PIBF1: variants seen among roughly 807,000 people sequenced by gnomAD.
The protein encoded by PIBF1 is progesterone-induced-blocking factor 1.
PIBF1 carries 90 observed loss-of-function variants against 112.5 expected under a neutral mutation model. That is an observed-to-expected ratio of 0.80 (90% CI 0.67 to 0.95). The LOEUF (loss-of-function observed/expected upper bound fraction) is 0.95. Among genes scored for constraint, PIBF1 ranks in the 40% least tolerant of loss-of-function variants. The pLI, the probability that PIBF1 is intolerant of heterozygous loss-of-function variation, is 0.00. For synonymous variants in PIBF1, 301 were observed against 288.6 expected, an observed-to-expected ratio of 1.04 and a Z score of -0.44; for missense variants, 915 against 852.3, an observed-to-expected ratio of 1.07 and a Z score of -0.92.
chr13:72,868,324 A>G (rs1266368455), intron 10 of PIBF1, among the ~76,000 whole-genome samples: 5 of 151,852 alleles, frequency 3.3e-5, no homozygotes, highest in Admixed American at 1.3e-4. Flanking sequence ...AAAAAAAAAA[A>G]AAAGACTATT....
At chr13:72,848,338 TATC>T (rs1241901884) in intron 9 of PIBF1, among the ~76,000 whole-genome samples, 3 of 152,166 alleles carry the variant, frequency 2.0e-5, no homozygotes, top group Non-Finnish European at 2.9e-5. Context: ...CTGTGAAATT[TATC>T]ATCTAGTAGT....
intron 14 of PIBF1, among the ~76,000 whole-genome samples, chr13:72,959,176 A>C (rs766022063): frequency 1.1e-4 from 16 of 146,938 alleles, no homozygotes; most frequent in Non-Finnish European, 2.1e-4. Context: ...TTGTATTTTT[A>C]GTAGAGACGG....
chr13:73,009,456 C>A (rs951327425), intron 17 of PIBF1, among the ~76,000 whole-genome samples: 7 of 152,236 alleles, frequency 4.6e-5, no homozygotes, highest in Admixed American at 3.9e-4. Flanking sequence ...TTTTATATCC[C>A]CAGAACCTAA....
intron 15 of PIBF1, among the ~76,000 whole-genome samples, chr13:72,972,287 C>G (rs535014932): frequency 6.6e-6 from 1 of 152,214 alleles, no homozygotes; most frequent in African/African-American, 2.4e-5. Context: ...CAACCTCGAT[C>G]TCCCAAAGTG....
rs181525147 is a variant in PIBF1 at position 72,855,657 on chromosome 13, T to C, written c.1322+1502T>C. The stretch of plus-strand genomic sequence containing the variant: ...GAGTGAGACTCTGTCTCAAAAAAAA[T>C]TTTTTTAGTTTATCTAAAAAAAATA... On this transcript the variant is annotated intron_variant, in intron 10 of 17. Coordinates refer to ENST00000326291, the MANE Select transcript of PIBF1 (RefSeq NM_006346.4). Among the ~76,000 whole-genome samples the C allele has an allele frequency of 3.7e-3, 555 of 151,986 alleles. 4 individuals carry two copies. Among genetic ancestry groups the C allele is most frequent in the African/African-American group, 0.013 (528 of 41,464 alleles).
rs1350333543 is a variant in PIBF1, at chr13:72,968,125, A to G, written c.1964+2721A>G. ...CGTGAACCTGGGAGGCAGAGCTTGC[A>G]GTGAGCCGAGATTGCGCCACTGCAC... On this transcript the variant is annotated intron_variant, in intron 15 of 17. Coordinates refer to ENST00000326291, the MANE Select transcript of PIBF1 (RefSeq NM_006346.4). 3.3e-5 allele frequency among the ~76,000 whole-genome samples: 5 copies of G among 151,666 alleles called. No individual in the cohort carries two copies. In the South Asian group the frequency reaches 1.0e-3, roughly 32 times the overall value.
intron 10 of PIBF1, among the ~76,000 whole-genome samples, chr13:72,854,882 A>G (rs2038341912): frequency 6.6e-6 from 1 of 152,032 alleles, no homozygotes; most frequent in African/African-American, 2.4e-5. Context: ...ATCAGAGAGA[A>G]TGATATATCT....
chr13:72,848,932 G>T (rs1276960423), intron 9 of PIBF1, among the ~76,000 whole-genome samples: 4 of 152,064 alleles, frequency 2.6e-5, no homozygotes, highest in Non-Finnish European at 5.9e-5. Context: ...AGTGGTTTGT[G>T]TGTGTTTCTT....
chr13:72,788,346 T>G (rs1180831904), intron 2 of PIBF1, among the ~76,000 whole-genome samples: 1 of 152,134 alleles, frequency 6.6e-6, no homozygotes, highest in Non-Finnish European at 1.5e-5. Flanking sequence ...ACTTGAAAAA[T>G]GGTGGTTTCT....
chr13:73,004,760 A>G (rs1053105944), intron 17 of PIBF1, among the ~76,000 whole-genome samples: 5 of 152,168 alleles, frequency 3.3e-5, no homozygotes, highest in African/African-American at 1.2e-4. Flanking sequence ...GTCAGGGGCT[A>G]GGGGGTATGG....
chr13:72,802,359 C>T (rs9543126), intron 5 of PIBF1, among the ~76,000 whole-genome samples: 113,141 of 152,044 alleles, frequency 0.74, 42,480 homozygotes, highest in African/African-American at 0.82. Context: ...CTCCTGAGAA[C>T]AGACTGTAGA....
At chr13:72,983,973 C>T (rs1276817407) in intron 16 of PIBF1, among the ~76,000 whole-genome samples, 2 of 151,964 alleles carry the variant, frequency 1.3e-5, no homozygotes, top group Non-Finnish European at 2.9e-5. Context: ...AAACTGTTTT[C>T]GATTTGTTGG....
chr13:72,897,112 G>A (rs1476046978), intron 11 of PIBF1, among the ~76,000 whole-genome samples: 1 of 152,168 alleles, frequency 6.6e-6, no homozygotes, highest in Non-Finnish European at 1.5e-5. Flanking sequence ...TCAGCAGAAA[G>A]CCTACAAGCT....
intron 12 of PIBF1, among the ~76,000 whole-genome samples, chr13:72,912,133 A>G (rs1421879256): frequency 1.3e-5 from 2 of 152,216 alleles, no homozygotes; most frequent in African/African-American, 2.4e-5. Context: ...AGATTTCACC[A>G]TAGAGCCTTC....
chr13:72,971,721 T>C (rs1020760919), intron 15 of PIBF1, among the ~76,000 whole-genome samples: 1 of 152,166 alleles, frequency 6.6e-6, no homozygotes. Context: ...TTTACAGATA[T>C]AAAAACTGAG....
At chr13:72,992,560 G>A (rs79594076) in intron 16 of PIBF1, among the ~76,000 whole-genome samples, 13,322 of 152,132 alleles carry the variant, frequency 0.088, 1,603 homozygotes, top group African/African-American at 0.28. Context: ...TTGGGATGCC[G>A]AGGCAGGCAG....
intron 9 of PIBF1, among the ~76,000 whole-genome samples, chr13:72,839,811 T>C (rs2037524180): frequency 6.6e-6 from 1 of 152,108 alleles, no homozygotes. Flanking sequence ...TAAGGCTGTG[T>C]GGGGAAACAA....
chr13:72,900,309 A>G (rs2040436569), intron 11 of PIBF1, among the ~76,000 whole-genome samples: 1 of 152,220 alleles, frequency 6.6e-6, no homozygotes, highest in Non-Finnish European at 1.5e-5. Context: ...AGACTAAGCA[A>G]AAAGAACAAA....
At chr13:72,936,727 A>G (rs183822371) in intron 14 of PIBF1, among the ~76,000 whole-genome samples, 9 of 152,194 alleles carry the variant, frequency 5.9e-5, no homozygotes, top group Admixed American at 2.0e-4. Context: ...TGGTCCTCCA[A>G]TGCTGTTCAT....
Sources: gnomAD v4.1 joint callset for allele counts (sites outside exome capture counted in the v4.1 genomes callset) on GRCh38, gnomAD v4.1.1 for gene constraint, MANE v1.5 for transcripts, NCBI Gene and HGNC (gene_info 2026-07-23, HGNC 2026-07-21) for gene names.